ADGRL3: variants seen among roughly 807,000 people sequenced by gnomAD.
The protein encoded by ADGRL3 is calcium-independent alpha-latrotoxin receptor 3.
In ADGRL3, 62 loss-of-function variants were observed where a neutral mutation model predicts 153.5. The observed-to-expected ratio is 0.40, with a 90% CI of 0.33 to 0.50. The LOEUF is 0.50. Ranked by LOEUF, ADGRL3 falls within the 20% of genes least tolerant of loss-of-function variation. The pLI, the probability that ADGRL3 is intolerant of heterozygous loss-of-function variation, is 0.47. For missense variants in ADGRL3, 1,641 were observed against 1,859.4 expected, an observed-to-expected ratio of 0.88 and a Z score of 2.16; for synonymous variants, 710 against 672.5, an observed-to-expected ratio of 1.06 and a Z score of -0.86.
At chr4:61,358,020 A>C (rs1269483106) in intron 1 of ADGRL3, among the ~76,000 whole-genome samples, 1 of 152,142 alleles carries the variant, frequency 6.6e-6, no homozygotes, top group African/African-American at 2.4e-5. Flanking sequence ...ACGAGGGTGA[A>C]AGTTGCTGAT....
chr4:61,682,562 A>AAT (rs1554002631), intron 6 of ADGRL3, among the ~76,000 whole-genome samples: 1 of 80,698 alleles, frequency 1.2e-5, no homozygotes, highest in African/African-American at 4.3e-5. Flanking sequence ...TCTTTAAAAA[A>AAT]ATTTTTTTTT....
chr4:61,320,230 T>C (rs2095326784), intron 1 of ADGRL3, among the ~76,000 whole-genome samples: 1 of 152,198 alleles, frequency 6.6e-6, no homozygotes, highest in South Asian at 2.1e-4. Flanking sequence ...CTGTGTATGT[T>C]GTTACTGGAA....
intron 4 of ADGRL3, among the ~76,000 whole-genome samples, chr4:61,584,752 A>G (rs2098939651): frequency 1.3e-5 from 2 of 152,102 alleles, no homozygotes; most frequent in South Asian, 2.1e-4. Flanking sequence ...GAATTCTGAT[A>G]TTAAGGACCT....
intron 11 of ADGRL3, among the ~76,000 whole-genome samples, chr4:61,904,939 A>T (rs2098688330): frequency 6.6e-6 from 1 of 152,154 alleles, no homozygotes; most frequent in Admixed American, 6.5e-5. Context: ...CTTTTTTCTT[A>T]TAGAAACAAT....
chr4:61,865,373 A>C (rs2149323888), intron 9 of ADGRL3, among the ~76,000 whole-genome samples: 1 of 151,732 alleles, frequency 6.6e-6, no homozygotes, highest in South Asian at 2.1e-4. Flanking sequence ...TTTTTTTAAA[A>C]TAGCATATAT....
chr4:61,354,874 G>C (rs1289149580), intron 1 of ADGRL3, among the ~76,000 whole-genome samples: 4 of 152,016 alleles, frequency 2.6e-5, no homozygotes, highest in Non-Finnish European at 4.4e-5. Flanking sequence ...GTATAGTTTT[G>C]TGACCTTTGT....
Position 61,202,560 on chromosome 4 carries a change from G to A in ADGRL3, c.-240+795G>A, listed in dbSNP as rs1735231763. Reference sequence around the variant, plus strand: ...CCGGGCGGCCGCGGCGCCGGGGCGGGGTGGGCAGAGCATTGGTGGTCGCGG... The same window carrying A: ...CCGGGCGGCCGCGGCGCCGGGGCGGAGTGGGCAGAGCATTGGTGGTCGCGG... On this transcript the variant is annotated intron_variant, in intron 1 of 26. Coordinates refer to ENST00000683033, the MANE Select transcript of ADGRL3 (RefSeq NM_001387552.1). The surrounding 1 kb of genome is among the most constrained non-coding windows in gnomAD (Gnocchi z 5.0). Among the ~76,000 whole-genome samples, 1 of 152,180 alleles carries A rather than the reference G, an allele frequency of 6.6e-6. No homozygotes were observed. The highest frequency in any genetic ancestry group is 1.5e-5 in the Non-Finnish European group (1 of 68,038).
At chr4:61,893,879 T>C (rs1256372680) in intron 10 of ADGRL3, among the ~76,000 whole-genome samples, 1 of 151,394 alleles carries the variant, frequency 6.6e-6, no homozygotes, top group Non-Finnish European at 1.5e-5. Flanking sequence ...GGCTAATTCT[T>C]TTTTGTATTT....
At chr4:61,579,510 A>C in intron 4 of ADGRL3, 1 of 460,422 alleles carries the variant, frequency 2.2e-6, no homozygotes, top group Non-Finnish European at 4.2e-6. Context: ...GCATTTATTC[A>C]CACACTTGCT....
chr4:62,060,411 C>CT (rs916121615), intron 25 of ADGRL3, among the ~76,000 whole-genome samples: 1 of 151,622 alleles, frequency 6.6e-6, no homozygotes, highest in Non-Finnish European at 1.5e-5. Context: ...ACATTTTGCT[C>CT]TTTTTTTAAT....
At chr4:61,577,223 G>T (rs1347089848) in intron 4 of ADGRL3, among the ~76,000 whole-genome samples, 1 of 149,764 alleles carries the variant, frequency 6.7e-6, no homozygotes, top group Non-Finnish European at 1.5e-5. Flanking sequence ...AGGGAAATGG[G>T]GGGGGGATGA....
At chr4:62,027,917 C>A (rs1451780178) in intron 21 of ADGRL3, among the ~76,000 whole-genome samples, 1 of 151,774 alleles carries the variant, frequency 6.6e-6, no homozygotes, top group East Asian at 1.9e-4. Context: ...AGGATGTAAA[C>A]CTCAGGCAAA....
chr4:61,336,011 T>C (rs1328381090), intron 1 of ADGRL3, among the ~76,000 whole-genome samples: 1 of 152,152 alleles, frequency 6.6e-6, no homozygotes, highest in Non-Finnish European at 1.5e-5. Flanking sequence ...ATTGTAAACA[T>C]GTTGATAAAA....
chr4:62,068,867 G>A (rs1744407709), intron 26 of ADGRL3, among the ~76,000 whole-genome samples: 1 of 151,996 alleles, frequency 6.6e-6, no homozygotes, highest in African/African-American at 2.4e-5. Context: ...ATAAAAATTG[G>A]CATATTTGAA....
At chr4:61,825,440 A>G (rs1213581625) in intron 9 of ADGRL3, among the ~76,000 whole-genome samples, 5 of 152,238 alleles carry the variant, frequency 3.3e-5, no homozygotes, top group African/African-American at 1.2e-4. Context: ...TATATCTCAC[A>G]TATAGTAAGA....
At chr4:61,633,921 C>G (rs1180416392) in intron 5 of ADGRL3, among the ~76,000 whole-genome samples, 3 of 136,866 alleles carry the variant, frequency 2.2e-5, no homozygotes, top group Non-Finnish European at 3.2e-5. Context: ...GTGAACTGCA[C>G]GTTAGAGAAA....
chr4:61,773,833 A>G (rs1471943236), intron 8 of ADGRL3, among the ~76,000 whole-genome samples: 2 of 152,180 alleles, frequency 1.3e-5, no homozygotes, highest in Non-Finnish European at 2.9e-5. Flanking sequence ...GCTATATAGC[A>G]TCTAAACAAA....
At chr4:62,032,825 A>T (rs1722854608) in intron 23 of ADGRL3, among the ~76,000 whole-genome samples, 1 of 151,596 alleles carries the variant, frequency 6.6e-6, no homozygotes. Flanking sequence ...ACATGATCGC[A>T]AATACAGAAT....
intron 8 of ADGRL3, among the ~76,000 whole-genome samples, chr4:61,759,134 T>C (rs912265205): frequency 1.3e-5 from 2 of 152,194 alleles, no homozygotes; most frequent in African/African-American, 4.8e-5. Context: ...ATTTCAACTT[T>C]GGTAAATCTG....
Sources: gnomAD v4.1 joint callset for allele counts (sites outside exome capture counted in the v4.1 genomes callset) on GRCh38, gnomAD v4.1.1 for gene constraint, Gnocchi (gnomAD v3.1) non-coding constraint, MANE v1.5 for transcripts, NCBI Gene and HGNC (gene_info 2026-07-23, HGNC 2026-07-21) for gene names.